LMBR1: variants seen among roughly 807,000 people sequenced by gnomAD.
The protein encoded by LMBR1 is limb development membrane protein 1, also known as limb region 1 protein homolog.
In LMBR1, 52 loss-of-function variants were observed where a neutral mutation model predicts 73.9. That is an observed-to-expected ratio of 0.70 (90% CI 0.56 to 0.89). LMBR1 has a LOEUF of 0.89. LMBR1 is among the 40% of genes least tolerant of loss of function. The pLI, the probability that LMBR1 is intolerant of heterozygous loss-of-function variation, is 0.00. For missense variants in LMBR1, 539 were observed against 579.8 expected (o/e 0.93, Z 0.72); for synonymous variants, 215 against 209.4 (o/e 1.03, Z -0.23).
chr7:156,728,705 GC>G lies in LMBR1; in HGVS notation c.853del (p.Ala285LeufsTer51). 6.2e-7 allele frequency: 1 copy of G among 1,600,300 alleles called. No homozygotes were observed. The highest frequency in any genetic ancestry group is 8.5e-7 in the Non-Finnish European group (1 of 1,175,916). On this transcript the variant is annotated frameshift_variant, in exon 11 of 17. Coordinates refer to ENST00000353442, the MANE Select transcript of LMBR1 (RefSeq NM_022458.4). LOFTEE classifies it high-confidence loss of function. ...CACCAAATTTCTTTCCCATGCTGAA[GC>G]CTTTTTTCGCCTCTCTATTAAAAGG... ...LKTKLERRKK[A>X]SAWERNLVYP...
At chr7:156,711,716 T>C (rs1585314765) in intron 15 of LMBR1, among the ~76,000 whole-genome samples, 1 of 152,298 alleles carries the variant, frequency 6.6e-6, no homozygotes, top group East Asian at 1.9e-4. Flanking sequence ...AGCCAGCTGA[T>C]CTTTGACAAA....
rs1245017996 is a variant in LMBR1, at chr7:156,800,482, C to CAAAAAA, written c.320-3996_320-3991dup. Among the ~76,000 whole-genome samples the CAAAAAA allele has an allele frequency of 1.5e-4, 12 of 81,018 alleles. 1 individual carries two copies. Among genetic ancestry groups the CAAAAAA allele is most frequent in the African/African-American group, 1.5e-4 (3 of 20,516 alleles). 53.2% of individuals were successfully genotyped at this position (81,018 alleles called of 152,430 possible). ...AAGCCTACTGTTAAGACTTGCTACT[C>CAAAAAA]AAAAAAAAAAAAAAAAAAGATTTTC... On this transcript the variant is annotated intron_variant, in intron 4 of 16. Coordinates refer to ENST00000353442, the MANE Select transcript of LMBR1 (RefSeq NM_022458.4).
chr7:156,851,695 A>G (rs1796261048), intron 1 of LMBR1, among the ~76,000 whole-genome samples: 1 of 152,188 alleles, frequency 6.6e-6, no homozygotes, highest in Non-Finnish European at 1.5e-5. Flanking sequence ...AACAGTAAAC[A>G]CATAGTGACT....
chr7:156,795,056 T>C (rs1189067438), intron 5 of LMBR1, among the ~76,000 whole-genome samples: 1 of 152,194 alleles, frequency 6.6e-6, no homozygotes, highest in East Asian at 1.9e-4. Flanking sequence ...AAGCGGCTTG[T>C]GCACCCTCAT....
At chr7:156,756,965 C>T (rs1219434470) in intron 8 of LMBR1, among the ~76,000 whole-genome samples, 3 of 152,130 alleles carry the variant, frequency 2.0e-5, no homozygotes, top group Non-Finnish European at 4.4e-5. Flanking sequence ...TACAGGCACA[C>T]ACAACCATGC....
chr7:156,828,961 T>G (rs1023888088), intron 3 of LMBR1, among the ~76,000 whole-genome samples: 1 of 152,212 alleles, frequency 6.6e-6, no homozygotes, highest in African/African-American at 2.4e-5. Context: ...CTCACATTCC[T>G]TATTTGGAAA....
chr7:156,765,850 A>T (rs1185730580), intron 5 of LMBR1, among the ~76,000 whole-genome samples: 3 of 152,230 alleles, frequency 2.0e-5, no homozygotes, highest in Non-Finnish European at 2.9e-5. Context: ...TGTAATATAC[A>T]TGAGCTAAAC....
intron 9 of LMBR1, among the ~76,000 whole-genome samples, chr7:156,736,156 C>A (rs888350911): frequency 1.3e-5 from 2 of 152,198 alleles, no homozygotes; most frequent in Non-Finnish European, 2.9e-5. Flanking sequence ...ATGTCAGTTT[C>A]TTGGAGAGCC....
chr7:156,758,733 T>G, intron 8 of LMBR1, among the ~76,000 whole-genome samples: 1 of 152,238 alleles, frequency 6.6e-6, no homozygotes, highest in East Asian at 1.9e-4. Context: ...CCATGCTTCT[T>G]GTACAGCCTG....
intron 1 of LMBR1, among the ~76,000 whole-genome samples, chr7:156,858,072 C>CAAAAAAAAAAAAAAAAAAAA (rs764584626): frequency 1.7e-5 from 1 of 59,696 alleles, no homozygotes; most frequent in Non-Finnish European, 3.8e-5. Context: ...CCAAAGTAAG[C>CAAAAAAAAAAAAAAAAAAAA]AAAAAAAAAA....
chr7:156,872,829 C>A (rs909285598), intron 1 of LMBR1, among the ~76,000 whole-genome samples: 2 of 152,154 alleles, frequency 1.3e-5, no homozygotes, highest in Non-Finnish European at 2.9e-5. Flanking sequence ...AGACTCACAT[C>A]GTGAACCTTT....
intron 15 of LMBR1, among the ~76,000 whole-genome samples, chr7:156,711,921 C>G (rs111864041): frequency 0.019 from 2,952 of 152,260 alleles, 89 homozygotes; most frequent in African/African-American, 0.067. Flanking sequence ...TAGGAAAACT[C>G]TTCTGGACAT....
At chr7:156,825,722 C>A (rs1835568676) in intron 4 of LMBR1, among the ~76,000 whole-genome samples, 1 of 152,180 alleles carries the variant, frequency 6.6e-6, no homozygotes, top group Non-Finnish European at 1.5e-5. Context: ...ATCATAATAG[C>A]TACCACCTAT....
chr7:156,705,424 T>C (rs745814287), intron 15 of LMBR1, among the ~76,000 whole-genome samples: 1 of 152,156 alleles, frequency 6.6e-6, no homozygotes, highest in South Asian at 2.1e-4. Flanking sequence ...CTGGGCATGG[T>C]AGCATGTGCC....
intron 5 of LMBR1, among the ~76,000 whole-genome samples, chr7:156,774,728 A>C (rs934271255): frequency 6.6e-6 from 1 of 152,176 alleles, no homozygotes; most frequent in Non-Finnish European, 1.5e-5. Flanking sequence ...GCTACTCAGG[A>C]GGCTGAGGCA....
At chr7:156,690,254 T>C (rs894073851) in intron 15 of LMBR1, among the ~76,000 whole-genome samples, 1 of 152,172 alleles carries the variant, frequency 6.6e-6, no homozygotes, top group Non-Finnish European at 1.5e-5. Flanking sequence ...TTCAATGACA[T>C]ATACAGACAA....
rs117172143 is a variant in LMBR1 at position 156,835,282 on chromosome 7, G to A, written c.140-1490C>T. ...GTCAAGGGTGTATTTGGGCCATTCT[G>A]TTAGTCCACCTCCATTCTTAATTCC... On this transcript the variant is annotated intron_variant, in intron 2 of 16. Coordinates refer to ENST00000353442, the MANE Select transcript of LMBR1 (RefSeq NM_022458.4). Among the ~76,000 whole-genome samples the A allele has an allele frequency of 1.8e-4, 28 of 152,228 alleles. No individual in the cohort carries two copies. The East Asian group carries it at 5.2e-3, about 28-fold the overall frequency.
At chr7:156,866,275 T>C (rs1313784511) in intron 1 of LMBR1, among the ~76,000 whole-genome samples, 2 of 152,090 alleles carry the variant, frequency 1.3e-5, no homozygotes, top group Non-Finnish European at 2.9e-5. Context: ...GCGATTGCAA[T>C]CCAGGATATG....
Position 156,761,976 on chromosome 7 carries a change from C to CAAAAAAAAAAA in LMBR1, c.684+147_684+157dup, listed in dbSNP as rs552712592. Among the ~76,000 whole-genome samples, 28 of 104,178 alleles carry CAAAAAAAAAAA rather than the reference C, an allele frequency of 2.7e-4. 3 individuals carry two copies. The highest frequency in any genetic ancestry group is 8.8e-4 in the African/African-American group (22 of 25,010). 68.3% of individuals were successfully genotyped at this position (104,178 alleles called of 152,430 possible). On this transcript the variant is annotated intron_variant, in intron 8 of 16. Coordinates refer to ENST00000353442, the MANE Select transcript of LMBR1 (RefSeq NM_022458.4). ...TGGGCGACAGAGCAAGACTCTGTCT[C>CAAAAAAAAAAA]AAAAAAAAAAAAAAAACTTAATAAA...
Sources: allele counts gnomAD v4.1 joint callset (sites outside exome capture counted in the v4.1 genomes callset), GRCh38; gene constraint gnomAD v4.1.1; transcripts MANE v1.5; gene names NCBI Gene and HGNC (gene_info 2026-07-23, HGNC 2026-07-21).